Variants in CECR2 observed in about 807,000 individuals in gnomAD.
CECR2 encodes chromatin remodeling regulator CECR2.
CECR2 carries 30 observed loss-of-function variants against 154.5 expected under a neutral mutation model. That is an observed-to-expected ratio of 0.19 (90% confidence interval 0.15 to 0.26). The LOEUF (loss-of-function observed/expected upper bound fraction) is 0.26, where lower values mean the gene tolerates loss of function less well. Among genes scored for constraint, CECR2 ranks in the 10% least tolerant of loss-of-function variants. The probability of loss-of-function intolerance (pLI) is 1.00; values close to 1 mark genes in which losing one functional copy is unlikely to be tolerated. For missense variants in CECR2, 1,743 were observed against 1,829.3 expected (o/e 0.95, Z 0.86); for synonymous variants, 725 against 683.7 (o/e 1.06, Z -0.94).
chr22:17,445,615 C>T (rs919967083), intron 1 of CECR2, among the ~76,000 whole-genome samples: 5 of 150,444 alleles, frequency 3.3e-5, no homozygotes, highest in Non-Finnish European at 7.4e-5. Flanking sequence ...CTCACCCTGT[C>T]GCCCAGGCTG....
intron 1 of CECR2, among the ~76,000 whole-genome samples, chr22:17,401,389 T>C (rs958504604): frequency 6.6e-6 from 1 of 152,178 alleles, no homozygotes; most frequent in African/African-American, 2.4e-5. Flanking sequence ...AGTGAAACCA[T>C]TACCACGTCA....
intron 1 of CECR2, among the ~76,000 whole-genome samples, chr22:17,440,606 T>A (rs12628376): frequency 0.087 from 13,292 of 152,146 alleles, 955 homozygotes; most frequent in East Asian, 0.24. Flanking sequence ...AGCTGGGACT[T>A]TTATTGATTT....
At chr22:17,429,839 G>A (rs2054394375) in intron 1 of CECR2, among the ~76,000 whole-genome samples, 1 of 152,190 alleles carries the variant, frequency 6.6e-6, no homozygotes, top group Non-Finnish European at 1.5e-5. Context: ...TTTCATTCAT[G>A]GTCAGAGTGG....
chr22:17,483,919 G>T (rs924794395), intron 2 of CECR2, among the ~76,000 whole-genome samples: 9 of 152,148 alleles, frequency 5.9e-5, no homozygotes, highest in African/African-American at 2.2e-4. Flanking sequence ...AAAATCTTTT[G>T]TACCATGTCC....
chr22:17,536,852 C>T (rs563240378), intron 9 of CECR2, among the ~76,000 whole-genome samples: 16 of 152,248 alleles, frequency 1.1e-4, no homozygotes, highest in Non-Finnish European at 2.2e-4. Flanking sequence ...TGTGCCTGCC[C>T]TGCCACCTTC....
intron 1 of CECR2, among the ~76,000 whole-genome samples, chr22:17,381,564 TA>T (rs1433417236): frequency 2.0e-5 from 3 of 152,094 alleles, no homozygotes; most frequent in African/African-American, 7.2e-5. Flanking sequence ...GAAATGTTTT[TA>T]AAAAAGGGAA....
intron 1 of CECR2, among the ~76,000 whole-genome samples, chr22:17,379,241 G>GC (rs1302799319): frequency 2.0e-5 from 3 of 152,170 alleles, no homozygotes; most frequent in African/African-American, 4.8e-5. Flanking sequence ...ACAGGCCTGA[G>GC]CCCCCCGCGC....
At position 17,526,380 on chromosome 22, in the gene CECR2, C is replaced by T. The variant is rs75786407; in HGVS notation, c.1108+2109C>T. Among the ~76,000 whole-genome samples, 1,510 of 152,260 alleles carry T rather than the reference C, an allele frequency of 9.9e-3. 15 individuals are homozygous for T. Among genetic ancestry groups the T allele is most frequent in the African/African-American group, 0.034 (1,414 of 41,534 alleles). On this transcript the variant is annotated intron_variant, in intron 9 of 18. Transcript: ENST00000262608. ...GTACAGCGAACTCATTTTCAACACA[C>T]GTGCTAAGAACATACACTGGGGAAA...
At chr22:17,485,133 C>G (rs906247161) in intron 2 of CECR2, among the ~76,000 whole-genome samples, 2 of 152,180 alleles carry the variant, frequency 1.3e-5, no homozygotes, top group Admixed American at 1.3e-4. Context: ...AACTGCTTCT[C>G]AAGAACACTC....
intron 9 of CECR2, among the ~76,000 whole-genome samples, chr22:17,524,656 T>C (rs749863767): frequency 8.7e-5 from 12 of 137,636 alleles, no homozygotes; most frequent in Non-Finnish European, 1.7e-4. Flanking sequence ...CCTCCCAAAG[T>C]GCTGGGATTA....
chr22:17,472,310 C>A (rs1210679017), intron 1 of CECR2, among the ~76,000 whole-genome samples: 3 of 152,214 alleles, frequency 2.0e-5, no homozygotes, highest in Non-Finnish European at 4.4e-5. Flanking sequence ...CATCAGCTGT[C>A]AAAGTCAGGG....
At chr22:17,445,885 G>A (rs568021016) in intron 1 of CECR2, among the ~76,000 whole-genome samples, 65 of 152,210 alleles carry the variant, frequency 4.3e-4, no homozygotes, top group African/African-American at 1.5e-3. Context: ...GGCCACTGCT[G>A]TATACTTTAA....
rs139733064 is a variant in CECR2, at chr22:17,539,948, C to T, written c.1496-464C>T. ...TCTTGGGCTCAAGGGATCCTCCTCC[C>T]TCAGTCCCAAGTAGCTGGGACTATC... On this transcript the variant is annotated intron_variant, in intron 13 of 18. Transcript: ENST00000262608. Among the ~76,000 whole-genome samples, 337 of 152,286 alleles carry T rather than the reference C, an allele frequency of 2.2e-3. 1 individual carries two copies. Among genetic ancestry groups the T allele is most frequent in the African/African-American group, 7.8e-3 (325 of 41,566 alleles).
intron 17 of CECR2, among the ~76,000 whole-genome samples, chr22:17,549,784 G>GTT (rs10653895): frequency 1.5e-5 from 2 of 136,054 alleles, no homozygotes; most frequent in African/African-American, 2.7e-5. Context: ...TAACTTTTTG[G>GTT]TTTTTTTTTT....
intron 7 of CECR2, among the ~76,000 whole-genome samples, chr22:17,510,016 A>G (rs1215351259): frequency 1.3e-5 from 2 of 152,212 alleles, no homozygotes; most frequent in Non-Finnish European, 2.9e-5. Flanking sequence ...CGATGTAGAT[A>G]CTGGTAGAGC....
At chr22:17,450,107 T>TA (rs761930904) in intron 1 of CECR2, among the ~76,000 whole-genome samples, 17 of 152,202 alleles carry the variant, frequency 1.1e-4, no homozygotes, top group Non-Finnish European at 2.5e-4. Context: ...CAAGTGGGAG[T>TA]AGTTGAACTT....
At chr22:17,413,771 T>G (rs989701530) in intron 1 of CECR2, among the ~76,000 whole-genome samples, 80 of 140,914 alleles carry the variant, frequency 5.7e-4, no homozygotes, top group Middle Eastern at 4.4e-3. Context: ...CCGCCTCCCA[T>G]GTTCACGCCA....
At chr22:17,410,840 C>T (rs2054058033) in intron 1 of CECR2, among the ~76,000 whole-genome samples, 1 of 152,144 alleles carries the variant, frequency 6.6e-6, no homozygotes, top group African/African-American at 2.4e-5. Context: ...TCTAGAAGCC[C>T]ACATTTGTCT....
At chr22:17,509,708 C>T (rs1480532005) in intron 7 of CECR2, among the ~76,000 whole-genome samples, 1 of 152,156 alleles carries the variant, frequency 6.6e-6, no homozygotes, top group African/African-American at 2.4e-5. Context: ...TGTCAATGTA[C>T]AGAGCATAGT....
Sources: allele counts gnomAD v4.1 joint callset (sites outside exome capture counted in the v4.1 genomes callset), GRCh38; gene constraint gnomAD v4.1.1; transcripts MANE v1.5; gene names NCBI Gene and HGNC (gene_info 2026-07-23, HGNC 2026-07-21).